STARD10: variants seen among roughly 807,000 people sequenced by gnomAD.
The protein encoded by STARD10 is START domain-containing protein 10.
In STARD10, 24 loss-of-function variants were observed where a neutral mutation model predicts 36.0. That is an observed-to-expected ratio of 0.67 (90% CI 0.48 to 0.94). The LOEUF is 0.94. Among genes scored for constraint, STARD10 ranks in the 40% least tolerant of loss-of-function variants. The pLI is 0.00. For missense variants in STARD10, 335 were observed against 396.6 expected, an observed-to-expected ratio of 0.84 and a Z score of 1.32; for synonymous variants, 156 against 161.9, an observed-to-expected ratio of 0.96 and a Z score of 0.28.
chr11:72,763,238 C>A (rs1453231405), intron 2 of STARD10, among the ~76,000 whole-genome samples: 2 of 151,976 alleles, frequency 1.3e-5, no homozygotes, highest in Non-Finnish European at 2.9e-5. Context: ...GATATTCCAT[C>A]GAATAAAATA....
At position 72,781,198 on chromosome 11, in the gene STARD10, C is replaced by T. The variant is rs200738031; in HGVS notation, c.-17G>A. On this transcript the variant is annotated 5_prime_UTR_variant, in exon 2 of 7. Transcript: ENST00000334805. The surrounding 1 kb of genome is among the most constrained non-coding windows in gnomAD (Gnocchi z 4.7). Reference sequence around the variant, plus strand: ...CTTCTCCATGGGGAGTGTGGGGAGGCCCAGGGCCCTGGTCCTAGTCCGGCT... The same window carrying T: ...CTTCTCCATGGGGAGTGTGGGGAGGTCCAGGGCCCTGGTCCTAGTCCGGCT... The T allele has an allele frequency of 1.1e-4, 177 of 1,602,224 alleles. No individual in the cohort carries two copies. The African/African-American group carries it at 1.1e-3, about 10-fold the overall frequency.
chr11:72,786,968 C>A (rs1434637852), intron 1 of STARD10, among the ~76,000 whole-genome samples: 3 of 150,952 alleles, frequency 2.0e-5, no homozygotes, highest in Non-Finnish European at 4.4e-5. Flanking sequence ...GTAGTCCCAG[C>A]TACTAAGTAG....
At chr11:72,777,486 G>C (rs1311196433) in intron 2 of STARD10, among the ~76,000 whole-genome samples, 1 of 152,234 alleles carries the variant, frequency 6.6e-6, no homozygotes, top group Non-Finnish European at 1.5e-5. Flanking sequence ...CACCAATACA[G>C]GTGCCATGAG....
At position 72,781,383 on chromosome 11, in the gene STARD10, G is replaced by A; in HGVS notation, c.-113-89C>T. The A allele has an allele frequency of 3.4e-6, 2 of 589,600 alleles. No individual in the cohort carries two copies. Among genetic ancestry groups the A allele is most frequent in the Non-Finnish European group, 6.0e-6 (2 of 330,600 alleles). 36.5% of individuals were successfully genotyped at this position (589,600 alleles called of 1,614,324 possible). Reference sequence around the variant, plus strand: ...CCTGGCGGGTGGGGAGCTGGAGAGAGGTAGGGGCTGGCCCCAGGGAAGGGC... The same window carrying A: ...CCTGGCGGGTGGGGAGCTGGAGAGAAGTAGGGGCTGGCCCCAGGGAAGGGC... On this transcript the variant is annotated intron_variant, in intron 1 of 6. Transcript: ENST00000334805. The surrounding 1 kb of genome is among the most constrained non-coding windows in gnomAD (Gnocchi z 4.7).
chr11:72,773,052 G>C (rs145558953), intron 2 of STARD10, among the ~76,000 whole-genome samples: 177 of 152,372 alleles, frequency 1.2e-3, no homozygotes, highest in African/African-American at 4.0e-3. Context: ...TGGCTGGCAG[G>C]ATGGGTGGGA....
chr11:72,777,460 G>C (rs1858941453), intron 2 of STARD10, among the ~76,000 whole-genome samples: 1 of 152,170 alleles, frequency 6.6e-6, no homozygotes, highest in South Asian at 2.1e-4. Context: ...AGAAGCTCTT[G>C]GTCTCCCGTT....
rs781503797 is a variant in STARD10 at position 72,757,849 on chromosome 11, C to T, written c.495G>A (p.Val165=). Reference sequence around the variant, plus strand: ...GGATGAGGTAGCCCGTCTGGATGGACACAGCTCGGACCAAGTCTTTCCGAG... The same window carrying T: ...GGATGAGGTAGCCCGTCTGGATGGATACAGCTCGGACCAAGTCTTTCCGAG... The part of the protein sequence containing the change: ...YPPRKDLVRA[V]SIQTGYLIQS... The change falls in exon 5 of 7, where the codon GTG becomes GTA. Residue 165 remains valine, a synonymous_variant. Transcript: ENST00000334805. 2.5e-6 allele frequency: 4 copies of T among 1,614,222 alleles called. No homozygotes were observed. Among genetic ancestry groups the T allele is most frequent in the Non-Finnish European group, 3.4e-6 (4 of 1,180,032 alleles).
At chr11:72,786,597 G>A (rs1267578590) in intron 1 of STARD10, among the ~76,000 whole-genome samples, 6 of 152,172 alleles carry the variant, frequency 3.9e-5, no homozygotes, top group East Asian at 1.9e-4. Flanking sequence ...ACTGTAGTGC[G>A]CAGCCTCAAA....
Position 72,754,888 on chromosome 11 carries a change from G to T in STARD10, c.*9C>A. On this transcript the variant is annotated 3_prime_UTR_variant, in exon 7 of 7. Transcript: ENST00000334805. Reference sequence around the variant, plus strand: ...CGGTCCTGTCTCCGTCCCTGAAGCGGTGCGGCGCTCAGGTGAGCGAGGTGT... The same window carrying T: ...CGGTCCTGTCTCCGTCCCTGAAGCGTTGCGGCGCTCAGGTGAGCGAGGTGT... The T allele has an allele frequency of 6.3e-7, 1 of 1,595,408 alleles. No individual in the cohort carries two copies. The highest frequency in any genetic ancestry group is 8.5e-7 in the Non-Finnish European group (1 of 1,177,194).
At chr11:72,755,241 C>A in intron 6 of STARD10, 99 bp from the exon 7 acceptor site, 1 of 1,415,960 alleles carries the variant, frequency 7.1e-7, no homozygotes, top group Non-Finnish European at 9.4e-7. Flanking sequence ...CTGACTGGCT[C>A]CCTTTCAAAA....
intron 1 of STARD10, among the ~76,000 whole-genome samples, chr11:72,790,863 A>G (rs1859133450): frequency 6.6e-6 from 1 of 152,218 alleles, no homozygotes; most frequent in Non-Finnish European, 1.5e-5. Flanking sequence ...ACTTTCAGAA[A>G]TGCAGGCACC....
chr11:72,786,279 G>A (rs956456723), intron 1 of STARD10, among the ~76,000 whole-genome samples: 6 of 152,122 alleles, frequency 3.9e-5, no homozygotes, highest in African/African-American at 1.4e-4. Flanking sequence ...TTGAGCCCGG[G>A]AGATCAAGGC....
At chr11:72,761,068 G>A (rs947061429) in intron 2 of STARD10, among the ~76,000 whole-genome samples, 1 of 152,096 alleles carries the variant, frequency 6.6e-6, no homozygotes, top group Non-Finnish European at 1.5e-5. Flanking sequence ...GATGCCGCAG[G>A]AAGGACACAC....
intron 4 of STARD10, 24 bp from the exon 5 acceptor site, chr11:72,757,908 G>A (rs765192941): frequency 1.9e-6 from 3 of 1,605,950 alleles, no homozygotes; most frequent in Non-Finnish European, 1.7e-6. Context: ...GCACAGGGAG[G>A]TGAGACTCGG....
intron 1 of STARD10, among the ~76,000 whole-genome samples, chr11:72,785,188 C>A (rs1178289237): frequency 1.3e-5 from 2 of 152,104 alleles, no homozygotes; most frequent in African/African-American, 4.8e-5. Context: ...ACTAAAGACC[C>A]CTCAGACTAA....
intron 2 of STARD10, chr11:72,780,200 T>G (rs2135624134): frequency 2.3e-6 from 1 of 444,042 alleles, no homozygotes. Flanking sequence ...CCCTGGGGGA[T>G]ATGCGTTCCC....
intron 2 of STARD10, among the ~76,000 whole-genome samples, chr11:72,770,516 CCTTA>C (rs1040611902): frequency 6.6e-6 from 1 of 152,214 alleles, no homozygotes; most frequent in African/African-American, 2.4e-5. Context: ...CCACACCCAG[CCTTA>C]CTTTTTTTCT....
Position 72,754,849 on chromosome 11 carries a change from C to G in STARD10, c.*48G>C. ...GGAGAAAGTGCAGGAGCGGCCGCCG[C>G]CCCAGGGCTCGCCCGGTCCTGTCTC... is the stretch of plus-strand genomic sequence containing the variant. On this transcript the variant is annotated 3_prime_UTR_variant, in exon 7 of 7. Coordinates refer to ENST00000334805, the MANE Select transcript of STARD10 (RefSeq NM_006645.3). 2 of 1,569,132 alleles carry G rather than the reference C, an allele frequency of 1.3e-6. No homozygotes were observed. Among genetic ancestry groups the G allele is most frequent in the Non-Finnish European group, 8.6e-7 (1 of 1,164,876 alleles).
chr11:72,780,442 T>A, intron 2 of STARD10: 1 of 450,996 alleles, frequency 2.2e-6, no homozygotes, highest in Non-Finnish European at 4.5e-6. Context: ...CCTGAGTCCC[T>A]GCAGGAGGCT....
Sources: gnomAD v4.1 joint callset for allele counts (sites outside exome capture counted in the v4.1 genomes callset) on GRCh38, gnomAD v4.1.1 for gene constraint, Gnocchi (gnomAD v3.1) non-coding constraint, MANE v1.5 for transcripts, NCBI Gene and HGNC (gene_info 2026-07-23, HGNC 2026-07-21) for gene names.